Variants in CCDC57 observed in about 807,000 individuals in gnomAD.
CCDC57 encodes the protein coiled-coil domain containing 57.
Under a neutral mutation model 118.9 loss-of-function variants are expected in CCDC57, and 118 were observed. The ratio of observed to expected loss-of-function variants is 0.99; its 90% CI spans 0.86 to 1.16. CCDC57 has a LOEUF of 1.16. CCDC57 is among the 50% of genes most tolerant of loss of function. The pLI, the probability that CCDC57 is intolerant of heterozygous loss-of-function variation, is 0.00. For synonymous variants in CCDC57, 527 were observed against 532.9 expected, an observed-to-expected ratio of 0.99 and a Z score of 0.15; for missense variants, 1,300 against 1,320.7, an observed-to-expected ratio of 0.98 and a Z score of 0.24.
At chr17:82,180,390 C>T (rs1056660873) in intron 9 of CCDC57, among the ~76,000 whole-genome samples, 1 of 152,236 alleles carries the variant, frequency 6.6e-6, no homozygotes, top group African/African-American at 2.4e-5. Context: ...GGCCCCAGAA[C>T]CTGAGATAAT....
At chr17:82,134,305 T>A in intron 16 of CCDC57, 111 bp from the exon 16 acceptor site, 1 of 1,071,246 alleles carries the variant, frequency 9.3e-7, no homozygotes, top group Non-Finnish European at 1.2e-6. Context: ...AAAACCAAAG[T>A]AACTTCCATT....
chr17:82,197,323 C>A (rs1161599586), intron 4 of CCDC57, among the ~76,000 whole-genome samples: 1 of 152,248 alleles, frequency 6.6e-6, no homozygotes, highest in Non-Finnish European at 1.5e-5. Flanking sequence ...GAGATGCAGC[C>A]CCTTGTCACA....
intron 19 of CCDC57, among the ~76,000 whole-genome samples, chr17:82,124,859 A>C (rs1434845552): frequency 1.3e-5 from 2 of 152,196 alleles, no homozygotes; most frequent in African/African-American, 4.8e-5. Flanking sequence ...TCCAAGAGAA[A>C]AGGAGAAAGG....
chr17:82,204,199 G>A (rs140101561), intron 2 of CCDC57, among the ~76,000 whole-genome samples: 3 of 152,134 alleles, frequency 2.0e-5, no homozygotes, highest in Admixed American at 6.5e-5. Flanking sequence ...GGACCATCAC[G>A]CCACCTGGAC....
chr17:82,208,515 G>A (rs201494617), intron 1 of CCDC57, among the ~76,000 whole-genome samples: 3 of 151,662 alleles, frequency 2.0e-5, no homozygotes, highest in Admixed American at 6.6e-5. Flanking sequence ...TCGGCCTCCC[G>A]AAGTGCTGGG....
intron 7 of CCDC57, among the ~76,000 whole-genome samples, chr17:82,190,965 G>A (rs2047600460): frequency 6.6e-6 from 1 of 151,760 alleles, no homozygotes; most frequent in South Asian, 2.1e-4. Context: ...AGCCATTGTT[G>A]CTATAGAAAA....
intron 11 of CCDC57, among the ~76,000 whole-genome samples, chr17:82,173,815 G>A (rs557094243): frequency 4.0e-5 from 5 of 123,866 alleles, no homozygotes; most frequent in Non-Finnish European, 6.8e-5. Context: ...ACAACGAGGT[G>A]AGGTGGCTCC....
intron 9 of CCDC57, among the ~76,000 whole-genome samples, chr17:82,179,787 C>T (rs887406666): frequency 1.4e-4 from 21 of 152,188 alleles, no homozygotes; most frequent in African/African-American, 4.8e-4. Flanking sequence ...ACAGAGCAAA[C>T]GCCAGCCTTC....
chr17:82,141,557 C>T (rs369409952), intron 16 of CCDC57, among the ~76,000 whole-genome samples: 276 of 152,302 alleles, frequency 1.8e-3, no homozygotes, highest in African/African-American at 6.4e-3. Context: ...AGAAAGCAAA[C>T]TTAAGAATGC....
At chr17:82,143,869 C>T (rs1598865803) in intron 16 of CCDC57, among the ~76,000 whole-genome samples, 2 of 149,210 alleles carry the variant, frequency 1.3e-5, no homozygotes, top group African/African-American at 2.5e-5. Flanking sequence ...GAGGCCAAGG[C>T]GGGTGGATTG....
chr17:82,130,813 TG>T (rs142241278), intron 17 of CCDC57, among the ~76,000 whole-genome samples: 2 of 140,438 alleles, frequency 1.4e-5, no homozygotes, highest in East Asian at 5.1e-4. Context: ...TCCTTTTTTT[TG>T]GGGGGGTGGG....
intron 11 of CCDC57, among the ~76,000 whole-genome samples, chr17:82,173,461 G>A (rs532094087): frequency 2.6e-5 from 4 of 152,258 alleles, no homozygotes; most frequent in African/African-American, 9.6e-5. Context: ...GAGCTCTGGA[G>A]ACCATGAACA....
In CCDC57 at chr17:82,193,029, C is replaced by T. The variant is rs112575887; in HGVS notation, c.851+727G>A. Among the ~76,000 whole-genome samples, 31 of 152,216 alleles carry T rather than the reference C, an allele frequency of 2.0e-4. 2 individuals are homozygous for T. The highest frequency in any genetic ancestry group is 7.2e-4 in the African/African-American group (30 of 41,526). On this transcript the variant is annotated intron_variant, in intron 7 of 19. Coordinates refer to ENST00000665763, the Ensembl canonical transcript of CCDC57. The stretch of plus-strand genomic sequence containing the variant: ...CTGGGATTACAGGCCTGAGCCACCG[C>T]GCCCAGCCAGGTGTTAAAAATTTTG...
At chr17:82,122,406 A>T (rs1162091900) in intron 19 of CCDC57, among the ~76,000 whole-genome samples, 1 of 40,094 alleles carries the variant, frequency 2.5e-5, no homozygotes, top group African/African-American at 1.1e-4. Flanking sequence ...CATCTCCCTC[A>T]GGCCCAGGGC....
rs2047729002 is a variant in CCDC57, at chr17:82,192,021, T to G, written c.851+1735A>C. Among the ~76,000 whole-genome samples the G allele has an allele frequency of 6.6e-6, 1 of 150,968 alleles. No individual in the cohort carries two copies. Among genetic ancestry groups the G allele is most frequent in the Admixed American group, 6.6e-5 (1 of 15,116 alleles). On this transcript the variant is annotated intron_variant, in intron 7 of 19. Coordinates refer to ENST00000665763, the Ensembl canonical transcript of CCDC57. The surrounding 1 kb of genome is among the most constrained non-coding windows in gnomAD (Gnocchi z 4.0). ...TTTTTTTTGAAACAGAGTCTCACTC[T>G]GTCACCCAGGCTGGAGTGCAGTGGC...
chr17:82,127,833 C>T, exon 19 of CCDC57: 1 of 1,610,690 alleles, frequency 6.2e-7, no homozygotes, highest in Non-Finnish European at 8.5e-7. Flanking sequence ...TGCTGGGGAG[C>T]CTGGGGTGGC....
intron 8 of CCDC57, 40 bp downstream of exon 7, chr17:82,188,179 C>T: frequency 6.6e-7 from 1 of 1,505,124 alleles, no homozygotes; most frequent in Non-Finnish European, 8.9e-7. Context: ...CACGGCCGTC[C>T]CTGCCCTCAC....
In CCDC57 at chr17:82,212,381, C is replaced by A. The variant is rs933213833; in HGVS notation, c.-211+404G>T. 2.7e-4 allele frequency among the ~76,000 whole-genome samples: 31 copies of A among 116,714 alleles called. No homozygotes were observed. Among genetic ancestry groups the A allele is most frequent in the Non-Finnish European group, 4.6e-4 (26 of 56,916 alleles). 76.6% of individuals were successfully genotyped at this position (116,714 alleles called of 152,430 possible). A position where few individuals can be genotyped will look rare whatever the true frequency, so the allele number is the denominator to read the frequency against. On this transcript the variant is annotated intron_variant, in intron 1 of 19. Coordinates refer to ENST00000665763, the Ensembl canonical transcript of CCDC57. The surrounding 1 kb of genome is among the most constrained non-coding windows in gnomAD (Gnocchi z 4.1). ...TACAGGCGCGAACCACCGCCTCCGGCCTTTTTTTTTCCTCTCTTTTTTTTT... is the reference window on the plus strand; with the variant it reads ...TACAGGCGCGAACCACCGCCTCCGGACTTTTTTTTTCCTCTCTTTTTTTTT...
At chr17:82,136,068 C>A (rs1474876439) in intron 16 of CCDC57, among the ~76,000 whole-genome samples, 1 of 152,134 alleles carries the variant, frequency 6.6e-6, no homozygotes, top group Admixed American at 6.6e-5. Context: ...TTGGTGGCTC[C>A]TTACCAGGTT....
Sources: allele counts gnomAD v4.1 joint callset (sites outside exome capture counted in the v4.1 genomes callset), GRCh38; gene constraint gnomAD v4.1.1; non-coding constraint Gnocchi (gnomAD v3.1); transcripts MANE v1.5; gene names NCBI Gene and HGNC (gene_info 2026-07-23, HGNC 2026-07-21).